MAP2K6: variants seen among roughly 807,000 people sequenced by gnomAD.
MAP2K6 encodes the protein dual specificity mitogen-activated protein kinase kinase 6.
In MAP2K6, 16 loss-of-function variants were observed where a neutral mutation model predicts 53.7. The ratio of observed to expected loss-of-function variants is 0.30; its 90% confidence interval spans 0.20 to 0.45. The LOEUF is 0.45. Ranked by LOEUF, MAP2K6 falls within the 20% of genes least tolerant of loss-of-function variation. The pLI is 1.00. For missense variants in MAP2K6, 204 were observed against 411.9 expected (o/e 0.50, Z 4.37); for synonymous variants, 132 against 143.1 (o/e 0.92, Z 0.55).
intron 10 of MAP2K6, among the ~76,000 whole-genome samples, chr17:69,533,015 G>A (rs538215780): frequency 5.3e-5 from 8 of 151,952 alleles, no homozygotes; most frequent in East Asian, 1.9e-4. Context: ...TGCAACCTCC[G>A]CCTCCCAGGT....
chr17:69,433,700 A>G (rs960971873), intron 1 of MAP2K6: 1 of 152,238 alleles, frequency 6.6e-6, no homozygotes, highest in Non-Finnish European at 1.5e-5. Flanking sequence ...ATGATACCTC[A>G]AAGGGAAAGT....
At chr17:69,520,632 G>C (rs1050366827) in intron 6 of MAP2K6, 6 of 463,384 alleles carry the variant, frequency 1.3e-5, no homozygotes, top group Non-Finnish European at 2.3e-5. Flanking sequence ...CATCAGCTAT[G>C]ACCACATTCC....
intron 9 of MAP2K6, 83 bp from the exon 10 acceptor site, chr17:69,526,487 T>A: frequency 2.0e-6 from 3 of 1,466,008 alleles, no homozygotes; most frequent in Non-Finnish European, 2.8e-6. Flanking sequence ...TGTTTCCTGC[T>A]GTCTATCCAC....
chr17:69,448,244 GT>G (rs66982276), intron 1 of MAP2K6, among the ~76,000 whole-genome samples: 71,433 of 138,774 alleles, frequency 0.51, 17,404 homozygotes, highest in East Asian at 0.62. Context: ...TTTTGTTTTT[GT>G]TTTTTTTTTT....
intron 1 of MAP2K6, among the ~76,000 whole-genome samples, chr17:69,480,798 A>T (rs1032446309): frequency 6.6e-6 from 1 of 152,178 alleles, no homozygotes; most frequent in African/African-American, 2.4e-5. Context: ...AAAAAATTTT[A>T]TTTAAAATGG....
intron 1 of MAP2K6, among the ~76,000 whole-genome samples, chr17:69,436,627 C>T (rs1215751268): frequency 6.6e-6 from 1 of 152,044 alleles, no homozygotes; most frequent in African/African-American, 2.4e-5. Context: ...CTAAATTCAT[C>T]CTCCCTTTTC....
rs1912124021 is a variant in MAP2K6 at position 69,552,126 on chromosome 17, T to C, written c.*10373T>C. 1 of 152,258 alleles carries C rather than the reference T, an allele frequency of 6.6e-6. No individual in the cohort carries two copies. The highest frequency in any genetic ancestry group is 6.5e-5 in the Admixed American group (1 of 15,286). The allele number at this position is 152,258 out of a possible 1,614,324, so 9.4% of individuals were successfully genotyped here. A position where few individuals can be genotyped will look rare whatever the true frequency, so the allele number is the denominator to read the frequency against. ...ACATGTTATTTGTATATATGATTGA[T>C]TGTTTGCCTGTTGCACCCTAAAGTT... On this transcript the variant is annotated 3_prime_UTR_variant, in exon 12 of 12. Coordinates refer to ENST00000590474, the MANE Select transcript of MAP2K6 (RefSeq NM_002758.4).
rs1032301886 is a variant in MAP2K6, at chr17:69,449,754, C to G, written c.16+34754C>G. Among the ~76,000 whole-genome samples, 146 of 149,256 alleles carry G rather than the reference C, an allele frequency of 9.8e-4. 1 individual carries two copies. The highest frequency in any genetic ancestry group is 3.4e-3 in the African/African-American group (138 of 40,732). On this transcript the variant is annotated intron_variant, in intron 1 of 11. Coordinates refer to ENST00000590474, the MANE Select transcript of MAP2K6 (RefSeq NM_002758.4). ...TCAGCCTCCTGAGTAGCTGGGACTA[C>G]AGGCGCCCGCCACCTCGCCCGGCTA...
intron 1 of MAP2K6, among the ~76,000 whole-genome samples, chr17:69,487,699 T>G (rs1210616026): frequency 1.3e-5 from 2 of 152,208 alleles, no homozygotes; most frequent in African/African-American, 4.8e-5. Flanking sequence ...TCACAGGGTC[T>G]TGTTGTGTTG....
At chr17:69,538,401 C>T (rs967112333) in intron 11 of MAP2K6, among the ~76,000 whole-genome samples, 1 of 152,182 alleles carries the variant, frequency 6.6e-6, no homozygotes, top group African/African-American at 2.4e-5. Flanking sequence ...AAAATCATGT[C>T]AGTCCCCCTT....
chr17:69,440,047 C>T (rs1906766900), intron 1 of MAP2K6, among the ~76,000 whole-genome samples: 1 of 152,064 alleles, frequency 6.6e-6, no homozygotes, highest in South Asian at 2.1e-4. Flanking sequence ...CTTGAACCCT[C>T]TGTACTTTCT....
intron 2 of MAP2K6, among the ~76,000 whole-genome samples, chr17:69,515,498 T>G (rs1910096248): frequency 6.6e-6 from 1 of 152,202 alleles, no homozygotes; most frequent in Non-Finnish European, 1.5e-5. Flanking sequence ...GTACATTTCT[T>G]TCAGGAAAAT....
At position 69,519,309 on chromosome 17, in the gene MAP2K6, T is replaced by G; in HGVS notation, c.247-4T>G. On this transcript the variant is annotated splice_polypyrimidine_tract_variant and splice_region_variant and intron_variant, in intron 4 of 11. Coordinates refer to ENST00000590474, the MANE Select transcript of MAP2K6 (RefSeq NM_002758.4). ...CCATAAATTTTCCATGCATTTCCAT[T>G]CAGCGGATCCGAGCCACAGTAAATA... 1.9e-6 allele frequency: 3 copies of G among 1,612,836 alleles called. No individual in the cohort carries two copies. The African/African-American group carries it at 4.0e-5, about 22-fold the overall frequency.
chr17:69,512,132 G>A (rs940123810), intron 2 of MAP2K6, among the ~76,000 whole-genome samples: 3 of 151,768 alleles, frequency 2.0e-5, no homozygotes, highest in Non-Finnish European at 4.4e-5. Flanking sequence ...ACAGCTTCTC[G>A]GTGGAAGAAC....
At chr17:69,524,180 T>G (rs1910640744) in intron 8 of MAP2K6, among the ~76,000 whole-genome samples, 1 of 151,976 alleles carries the variant, frequency 6.6e-6, no homozygotes, top group Non-Finnish European at 1.5e-5. Context: ...ACAGACATAG[T>G]TATATATATA....
chr17:69,426,118 T>G (rs1454251421), intron 1 of MAP2K6, among the ~76,000 whole-genome samples: 2 of 152,222 alleles, frequency 1.3e-5, no homozygotes, highest in Non-Finnish European at 2.9e-5. Context: ...CCTCAACTCT[T>G]GGGCTCAAAC....
At position 69,546,420 on chromosome 17, in the gene MAP2K6, G is replaced by T. The variant is rs1263774195; in HGVS notation, c.*4667G>T. 6.6e-6 allele frequency: 1 copy of T among 152,064 alleles called. No individual in the cohort carries two copies. The highest frequency in any genetic ancestry group is 2.4e-5 in the African/African-American group (1 of 41,396). 9.4% of individuals were successfully genotyped at this position (152,064 alleles called of 1,614,324 possible). On this transcript the variant is annotated 3_prime_UTR_variant, in exon 12 of 12. Coordinates refer to ENST00000590474, the MANE Select transcript of MAP2K6 (RefSeq NM_002758.4). ...TCATTGAACTTGATTTAGTGTCTTG[G>T]GAATTATAATCTCAAAGGAGGCAGA... is the stretch of plus-strand genomic sequence containing the variant.
chr17:69,433,039 T>C (rs1388248749), intron 1 of MAP2K6: 1 of 152,160 alleles, frequency 6.6e-6, no homozygotes, highest in African/African-American at 2.4e-5. Context: ...ACATTGATGC[T>C]CTCTAATGGT....
intron 1 of MAP2K6, among the ~76,000 whole-genome samples, chr17:69,480,798 A>G (rs1032446309): frequency 6.6e-6 from 1 of 152,178 alleles, no homozygotes; most frequent in African/African-American, 2.4e-5. Flanking sequence ...AAAAAATTTT[A>G]TTTAAAATGG....
Sources: gnomAD v4.1 joint callset for allele counts (sites outside exome capture counted in the v4.1 genomes callset) on GRCh38, gnomAD v4.1.1 for gene constraint, MANE v1.5 for transcripts, NCBI Gene and HGNC (gene_info 2026-07-23, HGNC 2026-07-21) for gene names.